DOP1A: variants seen among roughly 807,000 people sequenced by gnomAD.
The protein encoded by DOP1A is protein DOP1A.
A neutral mutation model predicts 267.6 loss-of-function variants in DOP1A; 90 were observed. That is an observed-to-expected ratio of 0.34 (90% CI 0.28 to 0.40). DOP1A has a LOEUF of 0.40. Ranked by LOEUF, DOP1A falls within the 10% of genes least tolerant of loss-of-function variation. The pLI is 1.00. For synonymous variants in DOP1A, 932 were observed against 999.1 expected (o/e 0.93, Z 1.27); for missense variants, 2,437 against 2,900.4 (o/e 0.84, Z 3.67).
chr6:83,079,905 GC>G (rs1370904251), intron 1 of DOP1A, among the ~76,000 whole-genome samples: 1 of 152,060 alleles, frequency 6.6e-6, no homozygotes, highest in African/African-American at 2.4e-5. Flanking sequence ...TCCTCATCTT[GC>G]GTTTCACCTC....
intron 14 of DOP1A, 99 bp from the exon 15 acceptor site, chr6:83,125,398 CATT>C (rs1466234979): frequency 3.6e-5 from 41 of 1,146,968 alleles, no homozygotes; most frequent in Admixed American, 1.2e-4. Flanking sequence ...GCATATAAAA[CATT>C]ATGGATGAGT....
intron 1 of DOP1A, among the ~76,000 whole-genome samples, chr6:83,071,507 CCCT>C (rs1239584325): frequency 6.6e-6 from 1 of 152,100 alleles, no homozygotes. Context: ...TGTGTCCGGC[CCCT>C]CCTCATTTAA....
chr6:83,069,308 C>T (rs986581369), intron 1 of DOP1A, among the ~76,000 whole-genome samples: 30 of 152,132 alleles, frequency 2.0e-4, no homozygotes, highest in Admixed American at 2.0e-3. Flanking sequence ...TTTGGGAGCA[C>T]ACTAGGTTAA....
chr6:83,070,726 T>G (rs1217030870), intron 1 of DOP1A, among the ~76,000 whole-genome samples: 14 of 2,122 alleles, frequency 6.6e-3, no homozygotes, highest in Admixed American at 0.016. Flanking sequence ...CCTTTTCACA[T>G]TTTTTTTTTT....
chr6:83,134,151 G>A, intron 18 of DOP1A, 36 bp from the exon 19 acceptor site: 2 of 1,569,040 alleles, frequency 1.3e-6, no homozygotes, highest in Non-Finnish European at 1.7e-6. Context: ...CTTCAAGAGA[G>A]AAGAACATAA....
At position 83,123,002 on chromosome 6, in the gene DOP1A, CT is replaced by C; in HGVS notation, c.1340+24del. On this transcript the variant is annotated intron_variant, in intron 12 of 38. Transcript: ENST00000349129. ...TTGTAGGTATGTTAAACTTTCATTCCTTTTAATTTCGTAACATCTAAAGCTA... is the reference window on the plus strand; with the variant it reads ...TTGTAGGTATGTTAAACTTTCATTCCTTTAATTTCGTAACATCTAAAGCTA... 6.4e-7 allele frequency: 1 copy of C among 1,569,822 alleles called. No homozygotes were observed. Among genetic ancestry groups the C allele is most frequent in the Admixed American group, 2.0e-5 (1 of 49,148 alleles).
intron 1 of DOP1A, among the ~76,000 whole-genome samples, chr6:83,095,981 T>A (rs1771416837): frequency 6.6e-6 from 1 of 152,216 alleles, no homozygotes; most frequent in Non-Finnish European, 1.5e-5. Context: ...ATTTATGACC[T>A]GTTGGCCGTT....
chr6:83,152,416 A>G, intron 30 of DOP1A, 49 bp downstream of exon 30: 2 of 871,874 alleles, frequency 2.3e-6, no homozygotes, highest in South Asian at 2.7e-5. Context: ...CTGTTTCATT[A>G]TTAAAAATTA....
At chr6:83,151,726 CAAAT>C (rs1164470158) in intron 28 of DOP1A, 67 bp downstream of exon 28, 38 of 1,502,844 alleles carry the variant, frequency 2.5e-5, no homozygotes, top group Non-Finnish European at 3.3e-5. Flanking sequence ...ATGAGAGAGT[CAAAT>C]AAAATAAACT....
intron 1 of DOP1A, among the ~76,000 whole-genome samples, chr6:83,089,078 A>G (rs566853632): frequency 6.6e-6 from 1 of 152,340 alleles, no homozygotes; most frequent in East Asian, 1.9e-4. Flanking sequence ...TAGTCCCCAG[A>G]TACATCTTTG....
At chr6:83,101,378 G>A (rs1310129232) in intron 4 of DOP1A, among the ~76,000 whole-genome samples, 1 of 152,076 alleles carries the variant, frequency 6.6e-6, no homozygotes, top group Non-Finnish European at 1.5e-5. Flanking sequence ...AGTCTTTAAT[G>A]TCTTTTTGTT....
chr6:83,129,647 G>A, intron 16 of DOP1A, 139 bp downstream of exon 16: 1 of 803,084 alleles, frequency 1.2e-6, no homozygotes, highest in Non-Finnish European at 1.8e-6. Flanking sequence ...TTTTAAAAAT[G>A]AAATACTGTC....
chr6:83,168,967 T>C (rs924114424), downstream of DOP1A: 2 of 1,207,950 alleles, frequency 1.7e-6, no homozygotes, highest in East Asian at 3.8e-5. Flanking sequence ...CATAAAACTG[T>C]ACAGTTAGTG....
chr6:83,166,499 T>G (rs1000433863), intron 38 of DOP1A: 1 of 698,024 alleles, frequency 1.4e-6, no homozygotes, highest in Non-Finnish European at 2.6e-6. Context: ...CTAAATTTGA[T>G]TTTTGTCTAA....
At chr6:83,127,137 C>T (rs1290087789) in intron 15 of DOP1A, among the ~76,000 whole-genome samples, 1 of 152,124 alleles carries the variant, frequency 6.6e-6, no homozygotes, top group East Asian at 1.9e-4. Flanking sequence ...ATGTTACCTA[C>T]AAGAGTAATT....
At chr6:83,121,174 G>C (rs1485046479) in intron 10 of DOP1A, among the ~76,000 whole-genome samples, 1 of 151,666 alleles carries the variant, frequency 6.6e-6, no homozygotes, top group African/African-American at 2.4e-5. Context: ...CCTTTATTTT[G>C]CATGTTCTCT....
intron 38 of DOP1A, among the ~76,000 whole-genome samples, chr6:83,164,480 C>A (rs1044927446): frequency 6.6e-6 from 1 of 151,916 alleles, no homozygotes; most frequent in African/African-American, 2.4e-5. Context: ...TATAAGACCC[C>A]CCTCCTTTAT....
At chr6:83,092,572 A>G (rs1410228237) in intron 1 of DOP1A, among the ~76,000 whole-genome samples, 3 of 56,112 alleles carry the variant, frequency 5.3e-5, no homozygotes, top group Non-Finnish European at 9.9e-5. Context: ...CCCCCCCACC[A>G]TATTCACCAG....
rs141445254 is a variant in DOP1A, at chr6:83,091,006, G to A, written c.-146-5725G>A. ...GTTTACAGAAGAAAGAAGTTTAATCGGACTTACAGTTCCATATGGCTGGGG... is the reference window on the plus strand; with the variant it reads ...GTTTACAGAAGAAAGAAGTTTAATCAGACTTACAGTTCCATATGGCTGGGG... On this transcript the variant is annotated intron_variant, in intron 1 of 38. Transcript: ENST00000349129. 1.5e-3 allele frequency among the ~76,000 whole-genome samples: 224 copies of A among 151,894 alleles called. 1 individual carries two copies. The highest frequency in any genetic ancestry group is 5.0e-3 in the African/African-American group (209 of 41,402).
Sources: gnomAD v4.1 joint callset for allele counts (sites outside exome capture counted in the v4.1 genomes callset) on GRCh38, gnomAD v4.1.1 for gene constraint, MANE v1.5 for transcripts, NCBI Gene and HGNC (gene_info 2026-07-23, HGNC 2026-07-21) for gene names.